The following ZNF667 variants were observed in gnomAD, a reference collection of about 807,000 sequenced individuals.
ZNF667 encodes the protein myocardial ischemic preconditioning upregulated 1 ortholog.
A neutral mutation model predicts 31.8 loss-of-function variants in ZNF667; 13 were observed. That is an observed-to-expected ratio of 0.41 (90% CI 0.27 to 0.65). ZNF667 has a LOEUF of 0.65. Ranked by LOEUF, ZNF667 falls within the 30% of genes least tolerant of loss-of-function variation. The probability of loss-of-function intolerance (pLI) is 0.32; values close to 1 mark genes in which losing one functional copy is unlikely to be tolerated. For synonymous variants in ZNF667, 228 were observed against 247.1 expected, an observed-to-expected ratio of 0.92 and a Z score of 0.73; for missense variants, 642 against 725.6, an observed-to-expected ratio of 0.88 and a Z score of 1.32.
At chr19:56,449,289 G>A in intron 6 of ZNF667, 1 of 439,472 alleles carries the variant, frequency 2.3e-6, no homozygotes, top group Admixed American at 2.5e-5. Context: ...GACCATCCGG[G>A]AAAACATGAC....
intron 1 of ZNF667, chr19:56,475,187 T>G (rs1223420077): frequency 6.6e-6 from 1 of 152,196 alleles, no homozygotes. Flanking sequence ...ATTATAGACT[T>G]TATTTTTGTC....
chr19:56,442,279 G>A lies in ZNF667; in HGVS notation c.716C>T (p.Ser239Phe). 6.2e-7 allele frequency: 1 copy of A among 1,614,106 alleles called. No homozygotes were observed. Among genetic ancestry groups the A allele is most frequent in the Non-Finnish European group, 8.5e-7 (1 of 1,180,018 alleles). The change falls in exon 7 of 7, where the codon TCT becomes TTT. Residue 239 changes from serine (S) to phenylalanine (F), a missense_variant. By Grantham distance (155) the Ser-to-Phe change is radical. Coordinates refer to ENST00000504904, the MANE Select transcript of ZNF667 (RefSeq NM_001321356.2). ...ATGAATTTTCTGATGTATATTGAAA[G>A]ACTGACATTGACTCAAGGCCTTCCC... Reference protein sequence around the residue: ...DCGKALSQCQSFNIHQKIHVV... With the variant: ...DCGKALSQCQFFNIHQKIHVV...
At position 56,441,047 on chromosome 19, in the gene ZNF667, A is replaced by C; in HGVS notation, c.*115T>G. The C allele has an allele frequency of 6.8e-7, 1 of 1,472,042 alleles. No homozygotes were observed. Among genetic ancestry groups the C allele is most frequent in the Non-Finnish European group, 9.0e-7 (1 of 1,115,920 alleles). 91.2% of individuals were successfully genotyped at this position (1,472,042 alleles called of 1,614,324 possible). ...AATGACTTTTGCTCTTTGGCTTTCA[A>C]AGTGGGACATATCATCAAATGGTCC... On this transcript the variant is annotated 3_prime_UTR_variant, in exon 7 of 7. Transcript: ENST00000504904. The surrounding 1 kb of genome is among the most constrained non-coding windows in gnomAD (Gnocchi z 4.2).
chr19:56,462,424 G>A lies in ZNF667; in HGVS notation c.-54C>T. 6.2e-7 allele frequency: 1 copy of A among 1,609,894 alleles called. No homozygotes were observed. Among genetic ancestry groups the A allele is most frequent in the East Asian group, 2.2e-5 (1 of 44,862 alleles). On this transcript the variant is annotated 5_prime_UTR_variant, in exon 4 of 7. Coordinates refer to ENST00000504904, the MANE Select transcript of ZNF667 (RefSeq NM_001321356.2). Reference sequence around the variant, plus strand: ...GAGAGATGGGCAGAGAGCTGGTAAGGCAGGGCTGTGGGGAGAAGACAGGTC... The same window carrying A: ...GAGAGATGGGCAGAGAGCTGGTAAGACAGGGCTGTGGGGAGAAGACAGGTC...
chr19:56,475,022 T>C (rs1468818246), intron 1 of ZNF667: 5 of 152,160 alleles, frequency 3.3e-5, no homozygotes, highest in Non-Finnish European at 7.3e-5. Flanking sequence ...CCCAATCAAG[T>C]GATACCAAAG....
chr19:56,471,159 C>T (rs907219951), intron 3 of ZNF667, among the ~76,000 whole-genome samples: 1 of 151,902 alleles, frequency 6.6e-6, no homozygotes, highest in Admixed American at 6.6e-5. Context: ...GTAGCCCCAC[C>T]CCCCCTGCCT....
upstream of ZNF667, chr19:56,477,401 T>G (rs945126685): frequency 1.3e-5 from 2 of 151,794 alleles, no homozygotes; most frequent in Non-Finnish European, 2.9e-5. Flanking sequence ...GCACCACGCA[T>G]GCGGGCGCGT....
At chr19:56,443,704 T>C (rs2042665323) in intron 6 of ZNF667, among the ~76,000 whole-genome samples, 1 of 152,170 alleles carries the variant, frequency 6.6e-6, no homozygotes, top group Non-Finnish European at 1.5e-5. Context: ...TATTTAGATA[T>C]TTACAAAGGT....
chr19:56,459,462 A>G (rs2042999232), intron 5 of ZNF667, among the ~76,000 whole-genome samples: 1 of 152,138 alleles, frequency 6.6e-6, no homozygotes, highest in Admixed American at 6.5e-5. Context: ...TCCCAGAACC[A>G]GTTTCATCTG....
intron 3 of ZNF667, among the ~76,000 whole-genome samples, chr19:56,466,760 GC>G (rs2043169857): frequency 6.6e-6 from 1 of 152,154 alleles, no homozygotes; most frequent in African/African-American, 2.4e-5. Context: ...TCCTGAGAGT[GC>G]AGCCCACTTT....
intron 6 of ZNF667, among the ~76,000 whole-genome samples, chr19:56,443,268 A>G (rs1024368455): frequency 2.0e-5 from 3 of 152,220 alleles, no homozygotes; most frequent in Admixed American, 6.5e-5. Flanking sequence ...GTTTACCTCA[A>G]TAAAGTTGTA....
Position 56,440,476 on chromosome 19 carries a change from AGTTCCTT to A in ZNF667, c.*679_*685del, listed in dbSNP as rs2042579246. 3.3e-6 allele frequency: 2 copies of A among 610,058 alleles called. No individual in the cohort carries two copies. Among genetic ancestry groups the A allele is most frequent in the African/African-American group, 4.0e-5 (2 of 49,864 alleles). 37.8% of individuals were successfully genotyped at this position (610,058 alleles called of 1,614,324 possible). ...AAAGTGGCACCCTGTTTTGCCGAGA[AGTTCCTT>A]ATATTTGATAATTCTAGATCTGAGA... On this transcript the variant is annotated 3_prime_UTR_variant, in exon 7 of 7. Coordinates refer to ENST00000504904, the MANE Select transcript of ZNF667 (RefSeq NM_001321356.2).
At chr19:56,442,833 C>A in intron 6 of ZNF667, 92 bp from the exon 7 acceptor site, 1 of 1,401,422 alleles carries the variant, frequency 7.1e-7, no homozygotes. Flanking sequence ...TTATTAATCA[C>A]AACAACAATT....
At chr19:56,473,795 G>A (rs1363927534) in intron 2 of ZNF667, among the ~76,000 whole-genome samples, 2 of 151,984 alleles carry the variant, frequency 1.3e-5, no homozygotes, top group African/African-American at 4.8e-5. Context: ...AAGTCATTTA[G>A]AAAAAAACAA....
chr19:56,446,334 C>A (rs2042709109), intron 6 of ZNF667, among the ~76,000 whole-genome samples: 1 of 152,188 alleles, frequency 6.6e-6, no homozygotes, highest in African/African-American at 2.4e-5. Context: ...TCTAATCTGC[C>A]ATTCCAGTAT....
intron 3 of ZNF667, chr19:56,467,115 G>A: frequency 2.2e-6 from 1 of 454,474 alleles, no homozygotes; most frequent in South Asian, 1.6e-5. Flanking sequence ...TGGTCCAGGA[G>A]GGGCCTCTAA....
At chr19:56,451,939 C>A (rs1329699526) in intron 6 of ZNF667, among the ~76,000 whole-genome samples, 3 of 142,674 alleles carry the variant, frequency 2.1e-5, no homozygotes, top group Non-Finnish European at 3.0e-5. Flanking sequence ...TCTCTGACCA[C>A]AATGGAACAA....
chr19:56,469,780 C>G, intron 3 of ZNF667: 1 of 374,428 alleles, frequency 2.7e-6, no homozygotes, highest in South Asian at 2.0e-5. Context: ...ACAGGCAACT[C>G]TGTATTCCAA....
In ZNF667 at chr19:56,471,764, T is replaced by C. The variant is rs2147840661; in HGVS notation, c.-125A>G. The C allele has an allele frequency of 6.6e-6, 1 of 152,270 alleles. No homozygotes were observed. Among genetic ancestry groups the C allele is most frequent in the South Asian group, 2.1e-4 (1 of 4,824 alleles). 9.4% of individuals were successfully genotyped at this position (152,270 alleles called of 1,614,324 possible). On this transcript the variant is annotated 5_prime_UTR_variant, in exon 3 of 7. Coordinates refer to ENST00000504904, the MANE Select transcript of ZNF667 (RefSeq NM_001321356.2). Reference sequence around the variant, plus strand: ...AGGTAAAATGACTTGTTCCAGGAAGTTGTAATGCATTCATCCCGCAGTTTT... The same window carrying C: ...AGGTAAAATGACTTGTTCCAGGAAGCTGTAATGCATTCATCCCGCAGTTTT...
Sources: gnomAD v4.1 joint callset for allele counts (sites outside exome capture counted in the v4.1 genomes callset) on GRCh38, gnomAD v4.1.1 for gene constraint, Gnocchi (gnomAD v3.1) non-coding constraint, MANE v1.5 for transcripts, NCBI Gene and HGNC (gene_info 2026-07-23, HGNC 2026-07-21) for gene names.